Variants in SLC24A2 observed in about 807,000 individuals in gnomAD.
SLC24A2 encodes the protein sodium/potassium/calcium exchanger 2.
Under a neutral mutation model 62.0 loss-of-function variants are expected in SLC24A2, and 36 were observed. That is an observed-to-expected ratio of 0.58 (90% CI 0.44 to 0.77). The LOEUF (loss-of-function observed/expected upper bound fraction) is 0.77, where lower values mean the gene tolerates loss of function less well. Among genes scored for constraint, SLC24A2 ranks in the 30% least tolerant of loss-of-function variants. The pLI is 0.00. For synonymous variants in SLC24A2, 358 were observed against 294.0 expected (o/e 1.22, Z -2.23); for missense variants, 846 against 817.9 (o/e 1.03, Z -0.42).
the SLC24A2 span, among the ~76,000 whole-genome samples, chr9:20,234,125 G>C: frequency 9.2e-5 from 14 of 152,184 alleles, no homozygotes; most frequent in Non-Finnish European, 1.8e-4. Flanking sequence ...TCCCTTTGCG[G>C]GTAACCCGAC....
intron 2 of SLC24A2, among the ~76,000 whole-genome samples, chr9:19,751,340 T>C (rs1373367876): frequency 6.6e-6 from 1 of 152,180 alleles, no homozygotes; most frequent in Non-Finnish European, 1.5e-5. Flanking sequence ...GCGGCCAAAG[T>C]ACTATATAGT....
At chr9:20,208,684 C>G in the SLC24A2 span, among the ~76,000 whole-genome samples, 1 of 152,178 alleles carries the variant, frequency 6.6e-6, no homozygotes, top group Non-Finnish European at 1.5e-5. Context: ...GAAAAAATAG[C>G]CCAGCTATGG....
intron 2 of SLC24A2, among the ~76,000 whole-genome samples, chr9:19,725,068 G>C (rs1821131779): frequency 6.6e-6 from 1 of 152,132 alleles, no homozygotes; most frequent in Non-Finnish European, 1.5e-5. Flanking sequence ...ATTCAGTACT[G>C]TACATGCCAG....
At chr9:20,033,813 A>G in the SLC24A2 span, among the ~76,000 whole-genome samples, 2 of 152,276 alleles carry the variant, frequency 1.3e-5, no homozygotes, top group African/African-American at 4.8e-5. Context: ...CTTTTTTAGC[A>G]TATGATCAGG....
chr9:20,138,196 T>G, the SLC24A2 span, among the ~76,000 whole-genome samples: 2 of 152,228 alleles, frequency 1.3e-5, no homozygotes, highest in African/African-American at 4.8e-5. Flanking sequence ...AGATGGCTGG[T>G]AAAACTAGGC....
chr9:20,290,263 C>A, the SLC24A2 span, among the ~76,000 whole-genome samples: 1 of 152,212 alleles, frequency 6.6e-6, no homozygotes, highest in South Asian at 2.1e-4. Flanking sequence ...CTAAGATGGA[C>A]CCAATTCTCT....
chr9:19,731,178 G>A (rs1275067149), intron 2 of SLC24A2, among the ~76,000 whole-genome samples: 2 of 152,120 alleles, frequency 1.3e-5, no homozygotes, highest in East Asian at 1.9e-4. Context: ...GGTCTAGCTG[G>A]TGGAAAAAAT....
At chr9:19,914,206 C>G in the SLC24A2 span, among the ~76,000 whole-genome samples, 1 of 152,186 alleles carries the variant, frequency 6.6e-6, no homozygotes, top group East Asian at 1.9e-4. Context: ...ACACCTGCCA[C>G]TTGAGTGTTT....
intron 7 of SLC24A2, among the ~76,000 whole-genome samples, chr9:19,564,882 G>T (rs189377827): frequency 1.3e-5 from 2 of 152,236 alleles, no homozygotes; most frequent in East Asian, 3.9e-4. Flanking sequence ...GCAGCAGGCA[G>T]GCAGTTTTGC....
the SLC24A2 span, among the ~76,000 whole-genome samples, chr9:20,283,335 ACTAC>A: frequency 6.6e-5 from 10 of 152,306 alleles, no homozygotes; most frequent in Admixed American, 3.3e-4. Context: ...CCCAGTTCAG[ACTAC>A]CTAAAGTGAT....
the SLC24A2 span, among the ~76,000 whole-genome samples, chr9:20,102,479 C>T: frequency 8.7e-6 from 1 of 114,428 alleles, no homozygotes; most frequent in African/African-American, 3.4e-5. Flanking sequence ...ACATCACACA[C>T]TGGGGCCTGT....
At chr9:20,260,102 A>G in the SLC24A2 span, among the ~76,000 whole-genome samples, 1 of 152,150 alleles carries the variant, frequency 6.6e-6, no homozygotes, top group Non-Finnish European at 1.5e-5. Context: ...ACAAATAAAT[A>G]AATAAAAGGT....
chr9:19,574,256 G>A (rs867069112), intron 6 of SLC24A2, among the ~76,000 whole-genome samples: 10 of 152,180 alleles, frequency 6.6e-5, no homozygotes, highest in Admixed American at 5.2e-4. Context: ...GGGGGAGCTC[G>A]ACAAGTAATA....
the SLC24A2 span, among the ~76,000 whole-genome samples, chr9:20,146,340 C>T: frequency 6.6e-6 from 1 of 152,144 alleles, no homozygotes; most frequent in Admixed American, 6.6e-5. Context: ...CATCAGGTGT[C>T]TTAGTTCCAC....
intron 2 of SLC24A2, among the ~76,000 whole-genome samples, chr9:19,631,478 A>G (rs1818177684): frequency 6.6e-6 from 1 of 152,064 alleles, no homozygotes; most frequent in Non-Finnish European, 1.5e-5. Flanking sequence ...AACGCTCCCA[A>G]CTGCTTGTGT....
intron 2 of SLC24A2, 52 bp from the exon 3 acceptor site, chr9:19,622,351 G>T (rs761360344): frequency 1.3e-6 from 2 of 1,518,710 alleles, no homozygotes; most frequent in Admixed American, 3.4e-5. Context: ...AATAAATGAA[G>T]AATCACATAT....
At chr9:20,153,949 T>C in the SLC24A2 span, among the ~76,000 whole-genome samples, 1 of 151,944 alleles carries the variant, frequency 6.6e-6, no homozygotes, top group African/African-American at 2.4e-5. Context: ...GTGTGATGAG[T>C]AGGCTAATTA....
At chr9:19,566,953 C>A (rs1835675784) in intron 7 of SLC24A2, among the ~76,000 whole-genome samples, 3 of 151,164 alleles carry the variant, frequency 2.0e-5, no homozygotes, top group East Asian at 3.9e-4. Flanking sequence ...CACACCGGGG[C>A]CTGTTGTGGG....
intron 2 of SLC24A2, among the ~76,000 whole-genome samples, chr9:19,623,075 AG>A (rs1187554509): frequency 1.3e-5 from 2 of 152,188 alleles, no homozygotes; most frequent in East Asian, 3.8e-4. Flanking sequence ...AACTCAGACA[AG>A]GGGGCAGTGG....
Sources: allele counts gnomAD v4.1 joint callset (sites outside exome capture counted in the v4.1 genomes callset), GRCh38; gene constraint gnomAD v4.1.1; transcripts MANE v1.5; gene names NCBI Gene and HGNC (gene_info 2026-07-23, HGNC 2026-07-21).